Variants in MGAT4A observed in about 807,000 individuals in gnomAD.
The protein encoded by MGAT4A is N-acetylglucosaminyltransferase IVa.
A neutral mutation model predicts 74.1 loss-of-function variants in MGAT4A; 33 were observed. The ratio of observed to expected loss-of-function variants is 0.45; its 90% confidence interval spans 0.34 to 0.60. MGAT4A has a LOEUF of 0.60. Among genes scored for constraint, MGAT4A ranks in the 20% least tolerant of loss-of-function variants. MGAT4A has a pLI of 0.02. For synonymous variants in MGAT4A, 198 were observed against 210.4 expected (o/e 0.94, Z 0.51); for missense variants, 479 against 628.3 (o/e 0.76, Z 2.54).
chr2:98,637,930 T>G (rs1317989659), intron 12 of MGAT4A, among the ~76,000 whole-genome samples: 1 of 152,194 alleles, frequency 6.6e-6, no homozygotes, highest in East Asian at 1.9e-4. Flanking sequence ...TGTAAAAGGT[T>G]ACGTGGGAAT....
At chr2:98,672,864 G>A (rs1701929873) in intron 4 of MGAT4A, among the ~76,000 whole-genome samples, 4 of 152,094 alleles carry the variant, frequency 2.6e-5, no homozygotes, top group Admixed American at 6.5e-5. Context: ...CAGTTATTGT[G>A]TTATGGGCAA....
chr2:98,705,815 C>T (rs896260136), intron 2 of MGAT4A, among the ~76,000 whole-genome samples: 3 of 151,782 alleles, frequency 2.0e-5, no homozygotes, highest in African/African-American at 4.8e-5. Context: ...CGGTGGCGGG[C>T]GCCTGTAGTC....
intron 4 of MGAT4A, 126 bp from the exon 5 acceptor site, chr2:98,663,305 G>C: frequency 6.5e-7 from 1 of 1,526,856 alleles, no homozygotes; most frequent in Non-Finnish European, 8.8e-7. Flanking sequence ...AATATATTAA[G>C]TTTCAGGAAG....
At chr2:98,703,033 T>C (rs925444729) in intron 2 of MGAT4A, among the ~76,000 whole-genome samples, 6 of 152,174 alleles carry the variant, frequency 3.9e-5, no homozygotes, top group African/African-American at 1.4e-4. Flanking sequence ...AAAAATAAAA[T>C]TCTGGCAGTC....
At chr2:98,686,552 T>TC (rs1702133964) in intron 2 of MGAT4A, among the ~76,000 whole-genome samples, 1 of 150,070 alleles carries the variant, frequency 6.7e-6, no homozygotes, top group South Asian at 2.1e-4. Context: ...TTTTTGGTGT[T>TC]TTTTTTTTTC....
At position 98,660,418 on chromosome 2, in the gene MGAT4A, GCACACACACACACACACA is replaced by G. The variant is rs534943882; in HGVS notation, c.538-2172_538-2155del. Among the ~76,000 whole-genome samples the G allele has an allele frequency of 2.2e-3, 313 of 141,632 alleles. 1 individual carries two copies. Among genetic ancestry groups the G allele is most frequent in the African/African-American group, 6.2e-3 (234 of 37,780 alleles). The allele number at this position is 141,632 out of a possible 152,430, so 92.9% of individuals were successfully genotyped here. A position where few individuals can be genotyped will look rare whatever the true frequency, so the allele number is the denominator to read the frequency against. On this transcript the variant is annotated intron_variant, in intron 5 of 15. Coordinates refer to ENST00000393487, the MANE Select transcript of MGAT4A (RefSeq NM_012214.3). ...CACACACACACACACACACGCACGC[GCACACACACACACACACA>G]CACACACACACACACACACACAACA... is the stretch of plus-strand genomic sequence containing the variant.
At chr2:98,723,137 T>G (rs1026975556) in intron 2 of MGAT4A, among the ~76,000 whole-genome samples, 1 of 152,230 alleles carries the variant, frequency 6.6e-6, no homozygotes, top group Non-Finnish European at 1.5e-5. Context: ...GCCAATCCCA[T>G]GGACCAGCTC....
chr2:98,653,298 G>A (rs1701609268), intron 8 of MGAT4A, among the ~76,000 whole-genome samples: 4 of 130,986 alleles, frequency 3.1e-5, no homozygotes, highest in South Asian at 2.5e-4. Context: ...TTAGCAGAAG[G>A]GAGAAAAAAA....
At chr2:98,711,805 T>C (rs1559174910) in intron 2 of MGAT4A, among the ~76,000 whole-genome samples, 1 of 152,140 alleles carries the variant, frequency 6.6e-6, no homozygotes, top group Non-Finnish European at 1.5e-5. Flanking sequence ...ACTCGGCTAA[T>C]TTTTACATTT....
intron 2 of MGAT4A, among the ~76,000 whole-genome samples, chr2:98,721,159 C>T (rs1702664794): frequency 6.6e-6 from 1 of 152,134 alleles, no homozygotes; most frequent in Non-Finnish European, 1.5e-5. Context: ...AACAAAAGTC[C>T]TTGTTAACCA....
Position 98,624,373 on chromosome 2 carries a change from T to C in MGAT4A, c.*1193A>G, listed in dbSNP as rs1701112561. ...TCACTGATTGCTGAGACCGGTAATA[T>C]TCTTTGTTTATAGTAGTAATATCAT... On this transcript the variant is annotated 3_prime_UTR_variant, in exon 16 of 16. Transcript: ENST00000393487. The C allele has an allele frequency of 1.0e-6, 1 of 961,776 alleles. No individual in the cohort carries two copies. Among genetic ancestry groups the C allele is most frequent in the African/African-American group, 1.8e-5 (1 of 56,714 alleles). 59.6% of individuals were successfully genotyped at this position (961,776 alleles called of 1,614,324 possible).
At chr2:98,705,983 A>G (rs1267282405) in intron 2 of MGAT4A, among the ~76,000 whole-genome samples, 1 of 151,758 alleles carries the variant, frequency 6.6e-6, no homozygotes, top group Non-Finnish European at 1.5e-5. Flanking sequence ...AAAATCAACT[A>G]ACAATAAAAT....
chr2:98,645,836 G>A (rs1171044063), intron 8 of MGAT4A, among the ~76,000 whole-genome samples: 2 of 152,210 alleles, frequency 1.3e-5, no homozygotes, highest in East Asian at 1.9e-4. Flanking sequence ...TGAGTGGATG[G>A]GGCAGAGAGA....
At chr2:98,717,240 A>G (rs1341497791) in intron 2 of MGAT4A, among the ~76,000 whole-genome samples, 2 of 152,130 alleles carry the variant, frequency 1.3e-5, no homozygotes, top group Admixed American at 1.3e-4. Context: ...TTAGCCAGGC[A>G]TAGTAGAGGG....
intron 2 of MGAT4A, among the ~76,000 whole-genome samples, chr2:98,687,059 A>G (rs947222331): frequency 2.6e-5 from 4 of 152,194 alleles, no homozygotes; most frequent in Admixed American, 1.3e-4. Flanking sequence ...AGGAGCTTGG[A>G]GTAAAAATTA....
chr2:98,629,346 C>A (rs536482574), intron 14 of MGAT4A, among the ~76,000 whole-genome samples: 38 of 152,246 alleles, frequency 2.5e-4, no homozygotes, highest in African/African-American at 8.9e-4. Context: ...TGCTTTTATT[C>A]AAAAATTATT....
rs1312810452 is a variant in MGAT4A at position 98,711,404 on chromosome 2, C to G, written c.94+14835G>C. On this transcript the variant is annotated intron_variant, in intron 2 of 15. Transcript: ENST00000393487. Reference sequence around the variant, plus strand: ...TTGACACGAATGGTCCCAGAAGACACTCACTTTTTTATTTTCCAGCTTGAT... The same window carrying G: ...TTGACACGAATGGTCCCAGAAGACAGTCACTTTTTTATTTTCCAGCTTGAT... 3.3e-5 allele frequency among the ~76,000 whole-genome samples: 5 copies of G among 152,140 alleles called. No homozygotes were observed. In the East Asian group the frequency reaches 9.6e-4, roughly 29 times the overall value.
chr2:98,637,051 T>A (rs1701332289), intron 12 of MGAT4A, among the ~76,000 whole-genome samples: 1 of 152,194 alleles, frequency 6.6e-6, no homozygotes. Flanking sequence ...GGCTCACACC[T>A]GTACTCCCAG....
At chr2:98,667,102 C>CTCTT (rs1701842742) in intron 4 of MGAT4A, among the ~76,000 whole-genome samples, 2 of 82,894 alleles carry the variant, frequency 2.4e-5, no homozygotes, top group Admixed American at 2.9e-4. Context: ...AGCTTGCTCT[C>CTCTT]TGCCTGCTGC....
Sources: allele counts gnomAD v4.1 joint callset (sites outside exome capture counted in the v4.1 genomes callset), GRCh38; gene constraint gnomAD v4.1.1; transcripts MANE v1.5; gene names NCBI Gene and HGNC (gene_info 2026-07-23, HGNC 2026-07-21).